CTNNA3: variants seen among roughly 807,000 people sequenced by gnomAD.
The protein encoded by CTNNA3 is catenin alpha 3.
In CTNNA3, 76 loss-of-function variants were observed where a neutral mutation model predicts 95.7. The observed-to-expected ratio is 0.79, with a 90% CI of 0.66 to 0.96. CTNNA3 has a LOEUF of 0.96. Ranked by LOEUF, CTNNA3 falls within the 40% of genes least tolerant of loss-of-function variation. The probability of loss-of-function intolerance (pLI) is 0.00; values close to 1 mark genes in which losing one functional copy is unlikely to be tolerated. For missense variants in CTNNA3, 1,191 were observed against 1,089.8 expected (o/e 1.09, Z -1.31); for synonymous variants, 431 against 374.4 (o/e 1.15, Z -1.74).
At chr10:67,284,350 C>T (rs761118331) in intron 5 of CTNNA3, among the ~76,000 whole-genome samples, 17 of 152,172 alleles carry the variant, frequency 1.1e-4, no homozygotes, top group African/African-American at 3.1e-4. Flanking sequence ...ATTGATTTAA[C>T]GGAGAACAAA....
At chr10:67,379,390 T>C (rs993099753) in intron 5 of CTNNA3, among the ~76,000 whole-genome samples, 7 of 152,174 alleles carry the variant, frequency 4.6e-5, no homozygotes, top group African/African-American at 1.7e-4. Context: ...CTATGATCAT[T>C]ATATGCTATG....
intron 5 of CTNNA3, among the ~76,000 whole-genome samples, chr10:67,488,430 C>T (rs763122780): frequency 1.4e-4 from 21 of 151,966 alleles, no homozygotes; most frequent in Admixed American, 3.3e-4. Context: ...AGTGTAGTGG[C>T]GCAATCTTGG....
chr10:67,141,428 T>C (rs1247609023), intron 7 of CTNNA3, among the ~76,000 whole-genome samples: 1 of 152,182 alleles, frequency 6.6e-6, no homozygotes, highest in African/African-American at 2.4e-5. Context: ...GTCATTCTCC[T>C]AAGCCCAATT....
intron 11 of CTNNA3, among the ~76,000 whole-genome samples, chr10:66,435,460 G>C (rs2093330296): frequency 6.6e-6 from 1 of 152,022 alleles, no homozygotes; most frequent in African/African-American, 2.4e-5. Flanking sequence ...ATTCTCTGAT[G>C]GTAGTTTGTA....
intron 1 of CTNNA3, among the ~76,000 whole-genome samples, chr10:67,714,049 G>A (rs1453824294): frequency 1.3e-5 from 2 of 152,210 alleles, no homozygotes; most frequent in Admixed American, 6.5e-5. Context: ...GTTTGCTGCA[G>A]GGGCAGGGCT....
intron 13 of CTNNA3, among the ~76,000 whole-genome samples, chr10:66,106,832 T>C (rs1190420354): frequency 6.6e-6 from 1 of 152,210 alleles, no homozygotes; most frequent in Non-Finnish European, 1.5e-5. Flanking sequence ...ATTTGGAACT[T>C]TGGATAAGCC....
At chr10:67,456,903 G>A (rs1375731470) in intron 5 of CTNNA3, among the ~76,000 whole-genome samples, 1 of 152,038 alleles carries the variant, frequency 6.6e-6, no homozygotes, top group African/African-American at 2.4e-5. Context: ...GCCAACTCTA[G>A]CAGAAAGCGA....
chr10:65,952,608 G>A (rs766430610), intron 17 of CTNNA3, among the ~76,000 whole-genome samples: 1 of 151,940 alleles, frequency 6.6e-6, no homozygotes, highest in Admixed American at 6.6e-5. Flanking sequence ...GGTTCAGAAA[G>A]CTCATTAACT....
chr10:67,013,885 T>C (rs568276230), intron 7 of CTNNA3, among the ~76,000 whole-genome samples: 4 of 152,206 alleles, frequency 2.6e-5, no homozygotes, highest in African/African-American at 4.8e-5. Context: ...ATCTCTGATA[T>C]CTAGCCTTCC....
At chr10:67,286,653 C>G (rs2132456203) in intron 5 of CTNNA3, among the ~76,000 whole-genome samples, 1 of 152,020 alleles carries the variant, frequency 6.6e-6, no homozygotes. Context: ...AATTGGTACC[C>G]AAAAAAATCA....
chr10:66,549,542 T>C (rs1170734172), intron 10 of CTNNA3, among the ~76,000 whole-genome samples: 2 of 152,160 alleles, frequency 1.3e-5, no homozygotes, highest in African/African-American at 4.8e-5. Context: ...CTTGCTCACT[T>C]ACTTTCACCT....
At chr10:66,435,902 G>T (rs991022452) in intron 11 of CTNNA3, among the ~76,000 whole-genome samples, 9 of 152,152 alleles carry the variant, frequency 5.9e-5, no homozygotes, top group African/African-American at 9.6e-5. Flanking sequence ...TGGTTTCAAA[G>T]AACTTATTTA....
At chr10:66,076,950 T>TTATC (rs1424945581) in intron 14 of CTNNA3, among the ~76,000 whole-genome samples, 1 of 151,766 alleles carries the variant, frequency 6.6e-6, no homozygotes, top group East Asian at 1.9e-4. Context: ...TAGTTATATT[T>TTATC]TATCTGTGAA....
chr10:67,416,690 A>G (rs1014104462), intron 5 of CTNNA3, among the ~76,000 whole-genome samples: 3 of 151,970 alleles, frequency 2.0e-5, no homozygotes, highest in African/African-American at 7.3e-5. Context: ...GCCAGTAAAC[A>G]TATGAAAAAA....
At chr10:66,338,223 G>A (rs1270009062) in intron 12 of CTNNA3, among the ~76,000 whole-genome samples, 4 of 152,014 alleles carry the variant, frequency 2.6e-5, no homozygotes, top group South Asian at 4.2e-4. Context: ...TGCATAATTC[G>A]ATTATATAAG....
intron 5 of CTNNA3, among the ~76,000 whole-genome samples, chr10:67,241,379 T>C (rs1904635): frequency 0.35 from 53,732 of 151,668 alleles, 14,579 homozygotes; most frequent in African/African-American, 0.76. Flanking sequence ...GCCAAGATCA[T>C]GCCACTGCCC....
intron 16 of CTNNA3, among the ~76,000 whole-genome samples, chr10:65,982,654 AT>A (rs2078343846): frequency 6.6e-6 from 1 of 150,990 alleles, no homozygotes; most frequent in Non-Finnish European, 1.5e-5. Flanking sequence ...ACATATATAT[AT>A]ATAAATGTGG....
intron 7 of CTNNA3, among the ~76,000 whole-genome samples, chr10:66,834,826 T>C (rs190438263): frequency 3.9e-5 from 6 of 152,290 alleles, no homozygotes; most frequent in Admixed American, 2.6e-4. Flanking sequence ...TTTCATGCAC[T>C]AGAAAGAGCT....
At chr10:66,591,095 G>A (rs1843533502) in intron 10 of CTNNA3, among the ~76,000 whole-genome samples, 1 of 152,104 alleles carries the variant, frequency 6.6e-6, no homozygotes, top group Non-Finnish European at 1.5e-5. Context: ...GATTTCTATT[G>A]AAGCGGGAAA....
Sources: gnomAD v4.1 joint callset for allele counts (sites outside exome capture counted in the v4.1 genomes callset) on GRCh38, gnomAD v4.1.1 for gene constraint, MANE v1.5 for transcripts, NCBI Gene and HGNC (gene_info 2026-07-23, HGNC 2026-07-21) for gene names.